FANCC: variants seen among roughly 807,000 people sequenced by gnomAD.
FANCC encodes the protein Fanconi anemia group C protein.
A neutral mutation model predicts 71.3 loss-of-function variants in FANCC; 55 were observed. That is an observed-to-expected ratio of 0.77 (90% CI 0.62 to 0.97). FANCC has a LOEUF of 0.97. FANCC is among the 50% of genes least tolerant of loss of function. The pLI is 0.00. For synonymous variants in FANCC, 275 were observed against 244.9 expected (o/e 1.12, Z -1.15); for missense variants, 678 against 670.9 (o/e 1.01, Z -0.12).
chr9:95,122,778 C>G (rs746054432), intron 10 of FANCC, among the ~76,000 whole-genome samples: 1 of 152,148 alleles, frequency 6.6e-6, no homozygotes, highest in Non-Finnish European at 1.5e-5. Flanking sequence ...GTGTGCTCCG[C>G]GAGGCCACAG....
chr9:95,230,202 G>C (rs1829914088), intron 4 of FANCC, among the ~76,000 whole-genome samples: 1 of 152,178 alleles, frequency 6.6e-6, no homozygotes, highest in African/African-American at 2.4e-5. Flanking sequence ...CCAGCCTAGT[G>C]AAAGAGGTCT....
At chr9:95,102,545 A>G (rs2071142701) in intron 14 of FANCC, among the ~76,000 whole-genome samples, 1 of 152,252 alleles carries the variant, frequency 6.6e-6, no homozygotes. Context: ...AGTTTTTGAA[A>G]GAGTAACCGA....
intron 4 of FANCC, among the ~76,000 whole-genome samples, chr9:95,191,097 A>T (rs242448): frequency 0.94 from 142,698 of 152,146 alleles, 66,926 homozygotes; most frequent in Middle Eastern, 0.98. Flanking sequence ...GGCTTTCAAG[A>T]CCATGAGATT....
intron 6 of FANCC, among the ~76,000 whole-genome samples, chr9:95,165,759 T>C (rs972868261): frequency 2.6e-5 from 4 of 152,098 alleles, no homozygotes; most frequent in Non-Finnish European, 5.9e-5. Flanking sequence ...TCTGCTGTTA[T>C]TGGGTAGAAT....
chr9:95,111,434 A>G (rs770342852), intron 13 of FANCC, 29 bp downstream of exon 13: 3 of 1,605,912 alleles, frequency 1.9e-6, no homozygotes, highest in South Asian at 2.2e-5. Flanking sequence ...AGCCCACCCC[A>G]AACACATGCA....
intron 4 of FANCC, among the ~76,000 whole-genome samples, chr9:95,191,969 C>G (rs1313950118): frequency 6.6e-6 from 1 of 152,058 alleles, no homozygotes; most frequent in African/African-American, 2.4e-5. Context: ...TTCCATAAGG[C>G]AGCAAGAGGA....
intron 4 of FANCC, among the ~76,000 whole-genome samples, chr9:95,223,744 A>G (rs539629719): frequency 1.3e-5 from 2 of 152,320 alleles, no homozygotes; most frequent in South Asian, 4.1e-4. Flanking sequence ...TGGGAGGCCA[A>G]GGCGGGTGGA....
chr9:95,300,549 C>T, intron 1 of FANCC, among the ~76,000 whole-genome samples: 1 of 151,648 alleles, frequency 6.6e-6, no homozygotes, highest in East Asian at 1.9e-4. Flanking sequence ...CTCCTGGGTT[C>T]AAGCAATTCT....
chr9:95,121,831 A>G (rs1268606159), intron 10 of FANCC, among the ~76,000 whole-genome samples: 1 of 151,996 alleles, frequency 6.6e-6, no homozygotes, highest in African/African-American at 2.4e-5. Context: ...TTTCAGAAAG[A>G]GCAAAGGGAT....
chr9:95,257,855 C>T (rs754831724), intron 1 of FANCC, among the ~76,000 whole-genome samples: 8 of 152,176 alleles, frequency 5.3e-5, no homozygotes, highest in Non-Finnish European at 8.8e-5. Context: ...AATATCACCA[C>T]TGATCCCACA....
intron 4 of FANCC, among the ~76,000 whole-genome samples, chr9:95,190,657 C>T (rs1275141513): frequency 6.6e-6 from 1 of 152,228 alleles, no homozygotes; most frequent in Non-Finnish European, 1.5e-5. Context: ...AGGATGCACA[C>T]ACACTGCCCG....
intron 1 of FANCC, chr9:95,294,502 A>G (rs1479460435): frequency 6.3e-7 from 1 of 1,581,978 alleles, no homozygotes; most frequent in Admixed American, 1.7e-5. Flanking sequence ...GCCTCTGGGA[A>G]GTATTCTGAA....
rs1030835508 is a variant in FANCC at position 95,247,397 on chromosome 9, T to C, written c.250+35A>G. 5 of 1,461,802 alleles carry C rather than the reference T, an allele frequency of 3.4e-6. No homozygotes were observed. In the African/African-American group the frequency reaches 5.6e-5, roughly 16 times the overall value. 90.6% of individuals were successfully genotyped at this position (1,461,802 alleles called of 1,614,324 possible). On this transcript the variant is annotated intron_variant, in intron 3 of 14. Transcript: ENST00000289081. Reference sequence around the variant, plus strand: ...CTGTGAAACAATGCAAAGATTAAAATAGCCATTTTGAGAGGACACGTTTTT... The same window carrying C: ...CTGTGAAACAATGCAAAGATTAAAACAGCCATTTTGAGAGGACACGTTTTT...
At chr9:95,202,325 C>A (rs968974857) in intron 4 of FANCC, among the ~76,000 whole-genome samples, 1 of 152,238 alleles carries the variant, frequency 6.6e-6, no homozygotes, top group Non-Finnish European at 1.5e-5. Flanking sequence ...AAAGAGCCAG[C>A]TTTTCTAGCA....
intron 1 of FANCC, among the ~76,000 whole-genome samples, chr9:95,316,236 T>G (rs1472088388): frequency 6.6e-6 from 1 of 152,260 alleles, no homozygotes; most frequent in Non-Finnish European, 1.5e-5. Flanking sequence ...TCTTTTTCGA[T>G]GCAGCCTTTC....
intron 1 of FANCC, among the ~76,000 whole-genome samples, chr9:95,261,124 A>G (rs1236692068): frequency 6.6e-6 from 1 of 152,234 alleles, no homozygotes; most frequent in African/African-American, 2.4e-5. Flanking sequence ...GAGGAATAAG[A>G]CAGTGTCACC....
chr9:95,176,759 T>A (rs1000603713), intron 4 of FANCC, among the ~76,000 whole-genome samples: 5 of 152,222 alleles, frequency 3.3e-5, no homozygotes, highest in African/African-American at 1.2e-4. Flanking sequence ...CAAACCTGGT[T>A]GAGATGGAAA....
intron 4 of FANCC, among the ~76,000 whole-genome samples, chr9:95,194,041 A>ATAT (rs1407840455): frequency 6.6e-6 from 1 of 152,188 alleles, no homozygotes; most frequent in Non-Finnish European, 1.5e-5. Context: ...GCCATACACC[A>ATAT]AACCAACTGA....
intron 6 of FANCC, among the ~76,000 whole-genome samples, chr9:95,166,679 T>C (rs1374097802): frequency 6.6e-6 from 1 of 152,186 alleles, no homozygotes; most frequent in Non-Finnish European, 1.5e-5. Context: ...AACTAAATCA[T>C]GGATCAAAAA....
Sources: allele counts gnomAD v4.1 joint callset (sites outside exome capture counted in the v4.1 genomes callset), GRCh38; gene constraint gnomAD v4.1.1; transcripts MANE v1.5; gene names NCBI Gene and HGNC (gene_info 2026-07-23, HGNC 2026-07-21).